DMD: variants seen among roughly 807,000 people sequenced by gnomAD.
DMD encodes mutant dystrophin.
In DMD, 63 loss-of-function variants were observed where a neutral mutation model predicts 330.1. That is an observed-to-expected ratio of 0.19 (90% CI 0.16 to 0.24). The LOEUF (loss-of-function observed/expected upper bound fraction) is 0.24, where lower values mean the gene tolerates loss of function less well. DMD is among the 10% of genes least tolerant of loss of function. DMD has a pLI of 1.00. For missense variants in DMD, 3,344 were observed against 2,684.1 expected (o/e 1.25, Z -5.43); for synonymous variants, 1,223 against 959.8 (o/e 1.27, Z -5.07).
intron 12 of DMD, among the ~76,000 whole-genome samples, chrX:32,601,438 G>T (rs887036786): frequency 9.0e-5 from 10 of 111,543 alleles, no homozygotes; most frequent in African/African-American, 3.3e-4. Flanking sequence ...CCAAATGGGG[G>T]TTCTGAAAGA....
intron 11 of DMD, among the ~76,000 whole-genome samples, chrX:32,631,878 A>T (rs754169857): frequency 2.0e-4 from 22 of 111,235 alleles, no homozygotes; most frequent in Non-Finnish European, 3.4e-4. Context: ...GGGCAAGAAC[A>T]TACATCCAAA....
intron 9 of DMD, among the ~76,000 whole-genome samples, chrX:32,687,736 C>A (rs1288176220): frequency 9.0e-6 from 1 of 111,196 alleles, no homozygotes; most frequent in Non-Finnish European, 1.9e-5. Context: ...GACCCAGAAT[C>A]AAAAGAGATA....
intron 7 of DMD, among the ~76,000 whole-genome samples, chrX:32,727,512 G>A (rs1429358741): frequency 1.8e-5 from 2 of 109,988 alleles, no homozygotes; most frequent in African/African-American, 6.6e-5. Flanking sequence ...TTCTATATCA[G>A]GCCTCTGCTT....
At chrX:32,744,387 T>C (rs994217846) in intron 7 of DMD, among the ~76,000 whole-genome samples, 4 of 111,101 alleles carry the variant, frequency 3.6e-5, no homozygotes, top group African/African-American at 1.3e-4. Flanking sequence ...CCTAGCATTG[T>C]GTGATCTTGG....
intron 1 of DMD, among the ~76,000 whole-genome samples, chrX:33,160,838 C>A (rs2048737275): frequency 9.0e-6 from 1 of 111,096 alleles, no homozygotes; most frequent in African/African-American, 3.3e-5. Flanking sequence ...ATAGACACAG[C>A]AATTTTTTAG....
intron 2 of DMD, among the ~76,000 whole-genome samples, chrX:32,883,290 A>T (rs927078916): frequency 8.9e-6 from 1 of 111,906 alleles, no homozygotes; most frequent in Admixed American, 9.5e-5. Flanking sequence ...CTGAACGGCA[A>T]TTGTGTAACT....
intron 9 of DMD, among the ~76,000 whole-genome samples, chrX:32,691,320 A>C (rs991717810): frequency 1.2e-5 from 1 of 83,264 alleles, no homozygotes; most frequent in South Asian, 4.5e-4. Flanking sequence ...ACTCATTGGC[A>C]AAAAAAAAAA....
chrX:31,823,392 G>A (rs963723770), intron 49 of DMD, among the ~76,000 whole-genome samples: 1 of 111,676 alleles, frequency 9.0e-6, no homozygotes, highest in Non-Finnish European at 1.9e-5. Context: ...GAGGAGTTCA[G>A]TAAATATTTC....
chrX:31,782,082 CCA>C (rs1450375836), intron 50 of DMD, among the ~76,000 whole-genome samples: 1 of 111,394 alleles, frequency 9.0e-6, no homozygotes, highest in Admixed American at 9.6e-5. Context: ...CATAAGTAAA[CCA>C]CAAACTTATG....
intron 12 of DMD, among the ~76,000 whole-genome samples, chrX:32,597,264 T>G (rs1473233912): frequency 1.8e-5 from 2 of 111,989 alleles, no homozygotes; most frequent in Non-Finnish European, 3.8e-5. Flanking sequence ...GTATTGTCAC[T>G]ACTCAATAAT....
At chrX:33,217,493 T>C (rs138217653) in intron 1 of DMD, among the ~76,000 whole-genome samples, 2,313 of 111,744 alleles carry the variant, frequency 0.021, 61 homozygotes, top group African/African-American at 0.072. Flanking sequence ...ATCTGGTAAA[T>C]GTTTTATTAG....
chrX:32,373,322 G>T (rs2097887427), intron 34 of DMD, among the ~76,000 whole-genome samples: 1 of 108,749 alleles, frequency 9.2e-6, no homozygotes, highest in African/African-American at 3.3e-5. Flanking sequence ...CATTCAAGAA[G>T]AAGACATGGC....
In DMD at chrX:32,690,696, G is replaced by C. The variant is rs185335410; in HGVS notation, c.960+7174C>G. On this transcript the variant is annotated intron_variant, in intron 9 of 78. Transcript: ENST00000357033. ...GCCCAGATATAAATCTACACATATA[G>C]GGTTAACTGATGTTCCACGATAGAG... 2.4e-4 allele frequency among the ~76,000 whole-genome samples: 27 copies of C among 111,298 alleles called. 1 individual carries two copies. In the Admixed American group the frequency reaches 2.5e-3, roughly 10 times the overall value.
chrX:31,571,075 T>C (rs1382428747), intron 55 of DMD, among the ~76,000 whole-genome samples: 2 of 111,890 alleles, frequency 1.8e-5, no homozygotes, highest in Non-Finnish European at 3.8e-5. Context: ...ATGCCATTTG[T>C]ATTATCCTTT....
chrX:32,335,250 G>A (rs1173702597), intron 41 of DMD, among the ~76,000 whole-genome samples: 1 of 108,713 alleles, frequency 9.2e-6, no homozygotes, highest in African/African-American at 3.3e-5. Context: ...TGCCCAGGCT[G>A]TAGTGCAGTG....
chrX:32,333,695 T>G (rs886510354), intron 41 of DMD, among the ~76,000 whole-genome samples: 4 of 111,394 alleles, frequency 3.6e-5, no homozygotes. Context: ...TCTTCTCCAT[T>G]GTGGGTAGGA....
At chrX:32,479,730 T>C (rs754286059) in intron 21 of DMD, among the ~76,000 whole-genome samples, 2 of 109,954 alleles carry the variant, frequency 1.8e-5, no homozygotes, top group African/African-American at 3.3e-5. Flanking sequence ...TATATCTCTA[T>C]ATATCAGTAT....
chrX:31,596,203 T>C (rs1440110734), intron 55 of DMD, among the ~76,000 whole-genome samples: 1 of 111,819 alleles, frequency 8.9e-6, no homozygotes, highest in Non-Finnish European at 1.9e-5. Context: ...AAAGTAAACA[T>C]ACATAATTAA....
intron 7 of DMD, among the ~76,000 whole-genome samples, chrX:32,750,920 G>T (rs5972657): frequency 2.7e-5 from 3 of 111,508 alleles, no homozygotes; most frequent in Non-Finnish European, 5.6e-5. Context: ...GGCTTTGTAA[G>T]GGGGAGTTTC....
Sources: gnomAD v4.1 joint callset for allele counts (sites outside exome capture counted in the v4.1 genomes callset) on GRCh38, gnomAD v4.1.1 for gene constraint, MANE v1.5 for transcripts, NCBI Gene and HGNC (gene_info 2026-07-23, HGNC 2026-07-21) for gene names.